CAMK1D: variants seen among roughly 807,000 people sequenced by gnomAD.
CAMK1D encodes calcium/calmodulin dependent protein kinase ID.
In CAMK1D, 9 loss-of-function variants were observed where a neutral mutation model predicts 47.7. The ratio of observed to expected loss-of-function variants is 0.19; its 90% confidence interval spans 0.11 to 0.33. The LOEUF (loss-of-function observed/expected upper bound fraction) is 0.33, where lower values mean the gene tolerates loss of function less well. CAMK1D is among the 10% of genes least tolerant of loss of function. CAMK1D has a pLI of 1.00. For missense variants in CAMK1D, 291 were observed against 488.7 expected (o/e 0.60, Z 3.81); for synonymous variants, 184 against 184.9 (o/e 0.99, Z 0.04).
At chr10:12,537,111 G>A (rs374768903) in intron 1 of CAMK1D, among the ~76,000 whole-genome samples, 1 of 151,604 alleles carries the variant, frequency 6.6e-6, no homozygotes, top group Non-Finnish European at 1.5e-5. Flanking sequence ...TCCCTCTGTT[G>A]CCCAGGCTGG....
chr10:12,796,236 G>A (rs536679610), intron 6 of CAMK1D, among the ~76,000 whole-genome samples: 2 of 152,272 alleles, frequency 1.3e-5, no homozygotes, highest in South Asian at 2.1e-4. Context: ...GAACAGGCAC[G>A]TCAGAGGCAC....
chr10:12,484,562 C>A (rs1406708277), intron 1 of CAMK1D, among the ~76,000 whole-genome samples: 1 of 152,200 alleles, frequency 6.6e-6, no homozygotes, highest in Non-Finnish European at 1.5e-5. Flanking sequence ...CCACTGGCAG[C>A]TGAGCTTACT....
chr10:12,650,060 T>G (rs1036627419), intron 2 of CAMK1D, among the ~76,000 whole-genome samples: 2 of 152,206 alleles, frequency 1.3e-5, no homozygotes, highest in African/African-American at 4.8e-5. Flanking sequence ...TTTTAGTTCC[T>G]TTAGGATAAA....
At chr10:12,387,445 T>TTATATATATATATATATA (rs373637712) in intron 1 of CAMK1D, among the ~76,000 whole-genome samples, 135 of 66,514 alleles carry the variant, frequency 2.0e-3, no homozygotes, top group Non-Finnish European at 3.1e-3. Flanking sequence ...TATATATATT[T>TTATATATATATATATATA]TATATATATA....
intron 1 of CAMK1D, among the ~76,000 whole-genome samples, chr10:12,505,883 C>T (rs1319755743): frequency 1.3e-5 from 2 of 151,300 alleles, no homozygotes; most frequent in African/African-American, 4.8e-5. Context: ...CCTCCTCCTC[C>T]CTTGTTCCAG....
intron 1 of CAMK1D, among the ~76,000 whole-genome samples, chr10:12,473,896 A>G (rs1833823086): frequency 1.3e-5 from 2 of 152,238 alleles, no homozygotes; most frequent in African/African-American, 4.8e-5. Flanking sequence ...GGGGATTCTC[A>G]TGGAACTTTC....
chr10:12,529,756 C>G (rs552143397), intron 1 of CAMK1D, among the ~76,000 whole-genome samples: 1 of 152,110 alleles, frequency 6.6e-6, no homozygotes, highest in Non-Finnish European at 1.5e-5. Flanking sequence ...TTTAAAAATA[C>G]GAGTGCTGGG....
chr10:12,483,448 G>A (rs957224399), intron 1 of CAMK1D, among the ~76,000 whole-genome samples: 9 of 152,040 alleles, frequency 5.9e-5, no homozygotes, highest in African/African-American at 9.7e-5. Flanking sequence ...CAATCTGCCC[G>A]CCTTTGCGTC....
chr10:12,589,278 T>G (rs1486849000), intron 2 of CAMK1D, among the ~76,000 whole-genome samples: 1 of 152,170 alleles, frequency 6.6e-6, no homozygotes, highest in East Asian at 1.9e-4. Context: ...CCTCCCAAAG[T>G]GCTGGGATTA....
chr10:12,773,873 T>G (rs1303176921), intron 5 of CAMK1D, among the ~76,000 whole-genome samples: 1 of 152,178 alleles, frequency 6.6e-6, no homozygotes, highest in African/African-American at 2.4e-5. Flanking sequence ...CACTCCAGCC[T>G]GGGCAATAGA....
chr10:12,736,476 T>C (rs1835194203), intron 3 of CAMK1D, among the ~76,000 whole-genome samples: 1 of 152,248 alleles, frequency 6.6e-6, no homozygotes, highest in Non-Finnish European at 1.5e-5. Flanking sequence ...AAGCAATTTA[T>C]TTCTAGAAGT....
At chr10:12,764,242 G>A (rs918314205) in intron 4 of CAMK1D, among the ~76,000 whole-genome samples, 7 of 152,122 alleles carry the variant, frequency 4.6e-5, no homozygotes, top group East Asian at 1.9e-4. Flanking sequence ...TTAGCCAGGT[G>A]TGGTGGCAGG....
At chr10:12,683,736 A>T (rs998104577) in intron 3 of CAMK1D, among the ~76,000 whole-genome samples, 5 of 126,906 alleles carry the variant, frequency 3.9e-5, no homozygotes, top group Admixed American at 8.9e-5. Flanking sequence ...GAATTTAGGA[A>T]TCCAGGTGTG....
chr10:12,364,237 C>CTT lies in CAMK1D; in HGVS notation c.92+14348_92+14349dup, dbSNP rs35224750. 3.9e-3 allele frequency among the ~76,000 whole-genome samples: 253 copies of CTT among 65,300 alleles called. 3 individuals carry two copies. Among genetic ancestry groups the CTT allele is most frequent in the African/African-American group, 0.01 (185 of 17,830 alleles). The allele number at this position is 65,300 out of a possible 152,430, so 42.8% of individuals were successfully genotyped here. On this transcript the variant is annotated intron_variant, in intron 1 of 10. Coordinates refer to ENST00000619168, the MANE Select transcript of CAMK1D (RefSeq NM_153498.4). ...GTCTCTTGACTCCAATGCGCATTCT[C>CTT]TTTTTTTTTTTTTTTTTTTTTTGAG... is the stretch of plus-strand genomic sequence containing the variant.
intron 1 of CAMK1D, among the ~76,000 whole-genome samples, chr10:12,530,918 G>A (rs1161931435): frequency 6.6e-6 from 1 of 152,050 alleles, no homozygotes. Flanking sequence ...TTAGCCGAGT[G>A]TGATGGCGGG....
intron 1 of CAMK1D, among the ~76,000 whole-genome samples, chr10:12,465,677 GC>G (rs1833569552): frequency 6.6e-6 from 1 of 152,126 alleles, no homozygotes; most frequent in Admixed American, 6.6e-5. Context: ...TTTTTAACAA[GC>G]ATCAAAGAGG....
chr10:12,829,936 A>G lies in CAMK1D; in HGVS notation c.*1049A>G, dbSNP rs1267255137. 2 of 152,064 alleles carry G rather than the reference A, an allele frequency of 1.3e-5. No individual in the cohort carries two copies. Among genetic ancestry groups the G allele is most frequent in the Non-Finnish European group, 2.9e-5 (2 of 68,130 alleles). The allele number at this position is 152,064 out of a possible 1,614,324, so 9.4% of individuals were successfully genotyped here. ...TGGCAACCCATCCAGCAGAACCCAC[A>G]CCCACCAGAGACCCTAGAGGCCTCT... On this transcript the variant is annotated 3_prime_UTR_variant, in exon 11 of 11. Transcript: ENST00000619168.
intron 1 of CAMK1D, among the ~76,000 whole-genome samples, chr10:12,454,762 C>T (rs1458760517): frequency 6.6e-6 from 1 of 152,206 alleles, no homozygotes; most frequent in Non-Finnish European, 1.5e-5. Flanking sequence ...TGTGCCTGCG[C>T]TATGTTGCCA....
At chr10:12,687,036 C>G (rs1399748448) in intron 3 of CAMK1D, among the ~76,000 whole-genome samples, 1 of 152,044 alleles carries the variant, frequency 6.6e-6, no homozygotes, top group African/African-American at 2.4e-5. Context: ...CTGGCGCAAT[C>G]AGAGCGTAAA....
Sources: allele counts gnomAD v4.1 joint callset (sites outside exome capture counted in the v4.1 genomes callset), GRCh38; gene constraint gnomAD v4.1.1; transcripts MANE v1.5; gene names NCBI Gene and HGNC (gene_info 2026-07-23, HGNC 2026-07-21).